The following CLEC4D variants were observed in gnomAD, a reference collection of about 807,000 sequenced individuals.
The protein encoded by CLEC4D is C-type (calcium dependent, carbohydrate-recognition domain) lectin, superfamily member 8.
Under a neutral mutation model 21.1 loss-of-function variants are expected in CLEC4D, and 21 were observed. The observed-to-expected ratio is 1.00, with a 90% CI of 0.71 to 1.43. The LOEUF (loss-of-function observed/expected upper bound fraction) is 1.43. Among genes scored for constraint, CLEC4D ranks in the 40% most tolerant of loss-of-function variants. The pLI is 0.00. For synonymous variants in CLEC4D, 85 were observed against 83.1 expected (o/e 1.02, Z -0.12); for missense variants, 289 against 260.7 (o/e 1.11, Z -0.75).
chr12:8,517,627 TA>T (rs1940398192), intron 2 of CLEC4D, among the ~76,000 whole-genome samples: 1 of 152,002 alleles, frequency 6.6e-6, no homozygotes, highest in Admixed American at 6.6e-5. Context: ...CATGTGCACA[TA>T]AAAGTTTGCA....
At chr12:8,527,733 C>T in the CLEC4D span, among the ~76,000 whole-genome samples, 529 of 152,342 alleles carry the variant, frequency 3.5e-3, 7 homozygotes, top group African/African-American at 0.012. Context: ...CGCTCCCCCA[C>T]CCCCAGGAGT....
downstream of CLEC4D, among the ~76,000 whole-genome samples, chr12:8,526,435 G>C (rs1386021055): frequency 6.6e-6 from 1 of 151,958 alleles, no homozygotes. Context: ...TTTCAGTAAA[G>C]TGGCCTTCTA....
intron 2 of CLEC4D, among the ~76,000 whole-genome samples, chr12:8,516,873 T>C (rs1261367724): frequency 6.6e-6 from 1 of 152,200 alleles, no homozygotes; most frequent in Non-Finnish European, 1.5e-5. Flanking sequence ...AATAGATAAA[T>C]ATATTTTGTT....
chr12:8,518,875 G>T, intron 3 of CLEC4D, 134 bp from the exon 4 acceptor site: 1 of 1,398,600 alleles, frequency 7.2e-7, no homozygotes, highest in South Asian at 1.5e-5. Context: ...TTTGGTAGGA[G>T]AACAGAATAA....
At chr12:8,514,371 AT>A (rs900520704) in intron 1 of CLEC4D, among the ~76,000 whole-genome samples, 6 of 152,122 alleles carry the variant, frequency 3.9e-5, no homozygotes, top group African/African-American at 1.4e-4. Context: ...ACAGAATATC[AT>A]TGTGTGAAGG....
In CLEC4D at chr12:8,521,111, G is replaced by T. The variant is rs1940452047; in HGVS notation, c.501-13G>T. On this transcript the variant is annotated splice_polypyrimidine_tract_variant and intron_variant, in intron 5 of 5. Coordinates refer to ENST00000299665, the MANE Select transcript of CLEC4D (RefSeq NM_080387.5). ...ATACCTATAAATCTCTATCTATGTT[G>T]TTGTTCTTTCAGATTCTGGCATAAG... 1.2e-6 allele frequency: 2 copies of T among 1,610,946 alleles called. No individual in the cohort carries two copies. The highest frequency in any genetic ancestry group is 2.7e-5 in the African/African-American group (2 of 74,664).
the CLEC4D span, among the ~76,000 whole-genome samples, chr12:8,528,318 T>A: frequency 6.6e-6 from 1 of 152,212 alleles, no homozygotes; most frequent in Non-Finnish European, 1.5e-5. Flanking sequence ...CCTCACTGTG[T>A]GATCCCTGTA....
the CLEC4D span, among the ~76,000 whole-genome samples, chr12:8,531,019 T>C: frequency 6.6e-6 from 1 of 152,202 alleles, no homozygotes; most frequent in Non-Finnish European, 1.5e-5. Flanking sequence ...CCCGGTGCCC[T>C]GTGGCCCTCC....
intron 2 of CLEC4D, among the ~76,000 whole-genome samples, chr12:8,516,517 T>G (rs904206232): frequency 6.6e-6 from 1 of 152,202 alleles, no homozygotes; most frequent in African/African-American, 2.4e-5. Context: ...CATTAATTAA[T>G]TATCAGGGAA....
intron 5 of CLEC4D, 28 bp downstream of exon 5, chr12:8,520,369 T>C: frequency 6.3e-7 from 1 of 1,597,060 alleles, no homozygotes; most frequent in South Asian, 1.1e-5. Flanking sequence ...GCTAAGGGGA[T>C]TTATAAGCAA....
At chr12:8,526,377 G>T (rs1940505496), downstream of CLEC4D, among the ~76,000 whole-genome samples, 1 of 152,030 alleles carries the variant, frequency 6.6e-6, no homozygotes, top group South Asian at 2.1e-4. Context: ...TGGAGGATTT[G>T]TTTATTCCTT....
intron 2 of CLEC4D, among the ~76,000 whole-genome samples, chr12:8,515,889 T>G (rs1224459985): frequency 6.6e-6 from 1 of 152,078 alleles, no homozygotes; most frequent in Non-Finnish European, 1.5e-5. Context: ...AAAATAATTA[T>G]AATTAAAGTA....
chr12:8,514,622 G>C (rs116573983), intron 1 of CLEC4D, among the ~76,000 whole-genome samples: 1 of 152,066 alleles, frequency 6.6e-6, no homozygotes, highest in Non-Finnish European at 1.5e-5. Flanking sequence ...AGTCCAGGCA[G>C]CAGCATTTAT....
chr12:8,515,164 C>A, intron 1 of CLEC4D, 72 bp from the exon 2 acceptor site: 1 of 828,974 alleles, frequency 1.2e-6, no homozygotes, highest in Non-Finnish European at 2.1e-6. Flanking sequence ...TTTTAGATTG[C>A]TCCTTGGTAG....
the CLEC4D span, among the ~76,000 whole-genome samples, chr12:8,531,097 A>G: frequency 6.6e-5 from 10 of 151,654 alleles, no homozygotes; most frequent in South Asian, 2.1e-3. Flanking sequence ...CGTCCTCCTC[A>G]CTCTAGCTCA....
At position 8,519,113 on chromosome 12, in the gene CLEC4D, T is replaced by G; in HGVS notation, c.337T>G (p.Ser113Ala). The change falls in exon 4 of 6, where the codon TCA becomes GCA. Residue 113 changes from serine to alanine, a missense_variant. By Grantham distance (99) the Ser-to-Ala change is moderately conservative. Transcript: ENST00000299665. The stretch of plus-strand genomic sequence containing the variant: ...GTGGGCTGAGAGTGAAAGGAACTGT[T>G]CAGGGATGGGGGCCCATCTGATGAC... ...KTWAESERNCSGMGAHLMTIS... is the reference protein window; with the variant it reads ...KTWAESERNCAGMGAHLMTIS... The G allele has an allele frequency of 6.2e-7, 1 of 1,614,116 alleles. No homozygotes were observed.
chr12:8,530,399 G>C, the CLEC4D span, among the ~76,000 whole-genome samples: 2 of 147,270 alleles, frequency 1.4e-5, no homozygotes, highest in African/African-American at 2.5e-5. Flanking sequence ...GGGAAATATA[G>C]TGAAAGGCAA....
chr12:8,514,151 T>C (rs1940345139), intron 1 of CLEC4D, among the ~76,000 whole-genome samples: 1 of 152,118 alleles, frequency 6.6e-6, no homozygotes, highest in African/African-American at 2.4e-5. Context: ...GGATTTGTAT[T>C]GTGATAATAT....
Position 8,519,141 on chromosome 12 carries a change from T to G in CLEC4D, c.365T>G (p.Ile122Ser), listed in dbSNP as rs766499139. The change falls in exon 4 of 6, where the codon ATC (isoleucine) becomes AGC (serine). Residue 122 changes from isoleucine (I) to serine (S), a missense_variant. Physicochemically the swap from Ile to Ser is moderately radical, Grantham distance 142. Transcript: ENST00000299665. The stretch of plus-strand genomic sequence containing the variant: ...GGGATGGGGGCCCATCTGATGACCA[T>G]CAGCACGGAAGCTGAGCAGGTGTGT... ...CSGMGAHLMTISTEAEQNFII... is the reference protein window; with the variant it reads ...CSGMGAHLMTSSTEAEQNFII... 1 of 1,614,002 alleles carries G rather than the reference T, an allele frequency of 6.2e-7. No homozygotes were observed. The highest frequency in any genetic ancestry group is 1.1e-5 in the South Asian group (1 of 91,062).
Sources: allele counts gnomAD v4.1 joint callset (sites outside exome capture counted in the v4.1 genomes callset), GRCh38; gene constraint gnomAD v4.1.1; transcripts MANE v1.5; gene names NCBI Gene and HGNC (gene_info 2026-07-23, HGNC 2026-07-21).